Variants in LYPLAL1 observed in about 807,000 individuals in gnomAD.
LYPLAL1 encodes lysophospholipase like 1, also known as lysophospholipase-like protein 1.
A neutral mutation model predicts 19.7 loss-of-function variants in LYPLAL1; 23 were observed. The ratio of observed to expected loss-of-function variants is 1.17; its 90% CI spans 0.84 to 1.65. The LOEUF (loss-of-function observed/expected upper bound fraction) is 1.65, where lower values mean the gene tolerates loss of function less well. Ranked by LOEUF, LYPLAL1 falls within the 40% of genes most tolerant of loss-of-function variation. LYPLAL1 has a pLI of 0.00. For missense variants in LYPLAL1, 355 were observed against 279.4 expected, an observed-to-expected ratio of 1.27 and a Z score of -1.93; for synonymous variants, 119 against 96.3, an observed-to-expected ratio of 1.24 and a Z score of -1.38.
the LYPLAL1 span, among the ~76,000 whole-genome samples, chr1:219,423,153 T>C: frequency 2.6e-3 from 403 of 152,246 alleles, 10 homozygotes; most frequent in East Asian, 0.059. Context: ...CACACCTTAC[T>C]TCTAGCAGCC....
chr1:219,356,934 G>A, the LYPLAL1 span, among the ~76,000 whole-genome samples: 1 of 152,150 alleles, frequency 6.6e-6, no homozygotes, highest in Non-Finnish European at 1.5e-5. Context: ...TCTGAATGTG[G>A]ACACATTATA....
the LYPLAL1 span, among the ~76,000 whole-genome samples, chr1:219,316,442 A>G: frequency 6.6e-6 from 1 of 152,164 alleles, no homozygotes; most frequent in African/African-American, 2.4e-5. Flanking sequence ...TATCAGGGCA[A>G]TGCTGTCTTC....
chr1:219,378,682 G>A, the LYPLAL1 span, among the ~76,000 whole-genome samples: 4 of 152,064 alleles, frequency 2.6e-5, no homozygotes, highest in Admixed American at 2.6e-4. Context: ...GCCCACTGCT[G>A]CTCTTGGAAA....
At chr1:219,423,806 A>G in the LYPLAL1 span, among the ~76,000 whole-genome samples, 1 of 152,086 alleles carries the variant, frequency 6.6e-6, no homozygotes, top group East Asian at 1.9e-4. Flanking sequence ...GTAGAAAATA[A>G]ATGTGAGGTG....
chr1:219,190,247 C>A (rs916507018), intron 2 of LYPLAL1, among the ~76,000 whole-genome samples: 1 of 151,406 alleles, frequency 6.6e-6, no homozygotes, highest in Non-Finnish European at 1.5e-5. Context: ...ATATGTCTTA[C>A]AGAAATCAGG....
At chr1:219,343,518 A>G in the LYPLAL1 span, among the ~76,000 whole-genome samples, 7 of 152,172 alleles carry the variant, frequency 4.6e-5, no homozygotes, top group African/African-American at 1.7e-4. Context: ...ATTATTCTAA[A>G]TTTATGGTAA....
the LYPLAL1 span, among the ~76,000 whole-genome samples, chr1:219,345,547 G>A: frequency 6.6e-6 from 1 of 152,258 alleles, no homozygotes; most frequent in African/African-American, 2.4e-5. Flanking sequence ...ATGTACATGT[G>A]TGCTGCTGGA....
chr1:219,231,984 T>C, the LYPLAL1 span, among the ~76,000 whole-genome samples: 1 of 152,240 alleles, frequency 6.6e-6, no homozygotes, highest in Non-Finnish European at 1.5e-5. Flanking sequence ...CCATGACACA[T>C]GTCTTGAGAC....
the LYPLAL1 span, among the ~76,000 whole-genome samples, chr1:219,372,288 A>G: frequency 6.6e-6 from 1 of 152,224 alleles, no homozygotes; most frequent in Non-Finnish European, 1.5e-5. Flanking sequence ...TAAATAAATA[A>G]AACACTTCCC....
intron 3 of LYPLAL1, among the ~76,000 whole-genome samples, chr1:219,209,375 A>G (rs6541209): frequency 0.97 from 146,833 of 152,110 alleles, 71,091 homozygotes; most frequent in East Asian, 1. Context: ...ATCAAGGGAT[A>G]GTAGAAAGTA....
At chr1:219,311,787 G>T in the LYPLAL1 span, among the ~76,000 whole-genome samples, 1 of 152,028 alleles carries the variant, frequency 6.6e-6, no homozygotes, top group Admixed American at 6.6e-5. Flanking sequence ...CACTGATTTT[G>T]TACCTGGTGC....
At chr1:219,237,766 C>G in the LYPLAL1 span, among the ~76,000 whole-genome samples, 11 of 152,080 alleles carry the variant, frequency 7.2e-5, no homozygotes, top group African/African-American at 2.7e-4. Context: ...GCACCTTATG[C>G]TTCCTGTTTT....
chr1:219,301,069 G>T, the LYPLAL1 span, among the ~76,000 whole-genome samples: 1 of 145,934 alleles, frequency 6.9e-6, no homozygotes, highest in Non-Finnish European at 1.5e-5. Context: ...AAAAAAAAAA[G>T]AATATTCATA....
At chr1:219,213,305 A>G (rs1659168925), downstream of LYPLAL1, among the ~76,000 whole-genome samples, 1 of 151,904 alleles carries the variant, frequency 6.6e-6, no homozygotes, top group Admixed American at 6.6e-5. Flanking sequence ...AACCAGCATC[A>G]CATAGTCTTA....
chr1:219,194,933 G>A (rs754732353), intron 3 of LYPLAL1, among the ~76,000 whole-genome samples: 2 of 152,022 alleles, frequency 1.3e-5, no homozygotes, highest in African/African-American at 2.4e-5. Context: ...GACAGTAGTT[G>A]GCTGTAACAA....
the LYPLAL1 span, among the ~76,000 whole-genome samples, chr1:219,363,971 A>G: frequency 1.3e-5 from 2 of 152,168 alleles, no homozygotes; most frequent in Admixed American, 6.6e-5. Flanking sequence ...AGTGAGCCAC[A>G]GGGGAAGTCT....
the LYPLAL1 span, among the ~76,000 whole-genome samples, chr1:219,380,362 C>T: frequency 6.6e-6 from 1 of 152,216 alleles, no homozygotes; most frequent in Non-Finnish European, 1.5e-5. Context: ...GACCACGGCA[C>T]AGTTGGCGTA....
chr1:219,265,843 TG>T, the LYPLAL1 span, among the ~76,000 whole-genome samples: 1 of 152,146 alleles, frequency 6.6e-6, no homozygotes, highest in Non-Finnish European at 1.5e-5. Context: ...GGTAAATATT[TG>T]TATATCTAAA....
chr1:219,205,135 A>G (rs1658449116), intron 3 of LYPLAL1, among the ~76,000 whole-genome samples: 1 of 151,970 alleles, frequency 6.6e-6, no homozygotes, highest in Non-Finnish European at 1.5e-5. Context: ...AGGCGGGTGG[A>G]TCATGAGGTC....
Sources: allele counts gnomAD v4.1 joint callset (sites outside exome capture counted in the v4.1 genomes callset), GRCh38; gene constraint gnomAD v4.1.1; transcripts MANE v1.5; gene names NCBI Gene and HGNC (gene_info 2026-07-23, HGNC 2026-07-21).